Variants in MCPH1 observed in about 807,000 individuals in gnomAD.
MCPH1 encodes the protein microcephalin 1.
A neutral mutation model predicts 84.5 loss-of-function variants in MCPH1; 104 were observed. The observed-to-expected ratio is 1.23, with a 90% CI of 1.05 to 1.45. The LOEUF is 1.45. Ranked by LOEUF, MCPH1 falls within the 40% of genes most tolerant of loss-of-function variation. The probability of loss-of-function intolerance (pLI) is 0.00; values close to 1 mark genes in which losing one functional copy is unlikely to be tolerated. For missense variants in MCPH1, 1,498 were observed against 1,005.7 expected (o/e 1.49, Z -6.62); for synonymous variants, 514 against 366.8 (o/e 1.40, Z -4.58).
chr8:6,621,786 A>G (rs1173831420), intron 13 of MCPH1, 95 bp downstream of exon 13: 8 of 1,542,830 alleles, frequency 5.2e-6, no homozygotes, highest in Non-Finnish European at 7.1e-6. Context: ...CCTTCCACGC[A>G]GCTGGGGCAC....
At position 6,476,286 on chromosome 8, in the gene MCPH1, C is replaced by T. The variant is rs147829056; in HGVS notation, c.1936-1308C>T. Among the ~76,000 whole-genome samples, 338 of 151,830 alleles carry T rather than the reference C, an allele frequency of 2.2e-3. 5 individuals carry two copies. The highest frequency in any genetic ancestry group is 7.9e-3 in the African/African-American group (328 of 41,426). On this transcript the variant is annotated intron_variant, in intron 9 of 13. Coordinates refer to ENST00000344683, the MANE Select transcript of MCPH1 (RefSeq NM_024596.5). ...TCTACTAGAAATACAAAAATTAGCTCGGTATGGTAGTGGGCGCCTGTGATC... is the reference window on the plus strand; with the variant it reads ...TCTACTAGAAATACAAAAATTAGCTTGGTATGGTAGTGGGCGCCTGTGATC...
intron 11 of MCPH1, among the ~76,000 whole-genome samples, chr8:6,484,668 C>T (rs1225591029): frequency 6.6e-6 from 1 of 152,252 alleles, no homozygotes; most frequent in African/African-American, 2.4e-5. Context: ...ACCAACCATA[C>T]TGTGGAGTGT....
intron 3 of MCPH1, among the ~76,000 whole-genome samples, chr8:6,415,331 A>G (rs1377828031): frequency 7.0e-6 from 1 of 142,948 alleles, no homozygotes; most frequent in African/African-American, 2.7e-5. Context: ...TCTGTCATCC[A>G]AGCTAGAGTG....
chr8:6,564,963 G>T (rs965562105), intron 12 of MCPH1, among the ~76,000 whole-genome samples: 1 of 152,182 alleles, frequency 6.6e-6, no homozygotes, highest in Non-Finnish European at 1.5e-5. Context: ...GCTCTGGAAG[G>T]ATCTCATTAG....
rs112660551 is a variant in MCPH1, at chr8:6,606,332, A to G, written c.2215-15122A>G. Among the ~76,000 whole-genome samples, 525 of 152,336 alleles carry G rather than the reference A, an allele frequency of 3.4e-3. 1 individual carries two copies. The highest frequency in any genetic ancestry group is 0.012 in the African/African-American group (486 of 41,574). On this transcript the variant is annotated intron_variant, in intron 12 of 13. Transcript: ENST00000344683. Reference sequence around the variant, plus strand: ...AGAGTAAAAAGCTTTTGAGAAATCAAATACAATTCATTCCAATTCAACTTG... The same window carrying G: ...AGAGTAAAAAGCTTTTGAGAAATCAGATACAATTCATTCCAATTCAACTTG...
rs553841642 is a variant in MCPH1, at chr8:6,530,865, A to C, written c.2214+30936A>C. 6.2e-4 allele frequency among the ~76,000 whole-genome samples: 95 copies of C among 152,340 alleles called. No individual in the cohort carries two copies. In the South Asian group the frequency reaches 0.016, roughly 26 times the overall value. On this transcript the variant is annotated intron_variant, in intron 12 of 13. Transcript: ENST00000344683. ...GCTGTGTCCTTCTAGAATGAGTCTT[A>C]CGAGAGTGGCAGGGCTTATGGCATC... is the stretch of plus-strand genomic sequence containing the variant.
chr8:6,554,889 C>A (rs1824318206), intron 12 of MCPH1, among the ~76,000 whole-genome samples: 1 of 152,080 alleles, frequency 6.6e-6, no homozygotes, highest in Non-Finnish European at 1.5e-5. Flanking sequence ...GGTTTCACAT[C>A]TTTTGTCAAG....
At chr8:6,626,796 T>C in intron 13 of MCPH1, 1 of 985,298 alleles carries the variant, frequency 1.0e-6, no homozygotes, top group Non-Finnish European at 1.2e-6. Context: ...GTCTGCGACA[T>C]TTGTGCTGTG....
intron 12 of MCPH1, among the ~76,000 whole-genome samples, chr8:6,551,608 A>G (rs1051831604): frequency 2.0e-5 from 3 of 152,208 alleles, no homozygotes; most frequent in Non-Finnish European, 4.4e-5. Context: ...ACTGTTAAGA[A>G]CATGTCACTG....
chr8:6,619,936 A>G (rs1437048772), intron 12 of MCPH1, among the ~76,000 whole-genome samples: 1 of 152,204 alleles, frequency 6.6e-6, no homozygotes, highest in African/African-American at 2.4e-5. Flanking sequence ...CTTTAAAATG[A>G]AAGATACTCT....
chr8:6,509,982 C>A (rs142886693), intron 12 of MCPH1, among the ~76,000 whole-genome samples: 1 of 152,064 alleles, frequency 6.6e-6, no homozygotes, highest in Non-Finnish European at 1.5e-5. Context: ...AAATTTAAAT[C>A]CCAAAGTGTA....
At chr8:6,490,200 T>G (rs982718131) in intron 11 of MCPH1, among the ~76,000 whole-genome samples, 1 of 152,216 alleles carries the variant, frequency 6.6e-6, no homozygotes, top group Non-Finnish European at 1.5e-5. Context: ...CTGCCAGACA[T>G]CTGAACTTTC....
At chr8:6,603,233 C>G (rs1829507673) in intron 12 of MCPH1, among the ~76,000 whole-genome samples, 1 of 151,962 alleles carries the variant, frequency 6.6e-6, no homozygotes, top group African/African-American at 2.4e-5. Context: ...TTTCATAGTC[C>G]CATTAACATG....
intron 12 of MCPH1, among the ~76,000 whole-genome samples, chr8:6,557,853 C>G (rs1414791373): frequency 2.0e-5 from 3 of 152,122 alleles, no homozygotes; most frequent in Non-Finnish European, 1.5e-5. Flanking sequence ...TCCTCTAGAT[C>G]TCAACTCAGG....
chr8:6,413,373 G>A (rs191805516), intron 2 of MCPH1, among the ~76,000 whole-genome samples: 4 of 150,960 alleles, frequency 2.6e-5, no homozygotes, highest in African/African-American at 9.8e-5. Flanking sequence ...GATAAGCTTG[G>A]TGTAGTGCTG....
At chr8:6,576,192 G>A (rs900378844) in intron 12 of MCPH1, among the ~76,000 whole-genome samples, 1 of 152,116 alleles carries the variant, frequency 6.6e-6, no homozygotes, top group Non-Finnish European at 1.5e-5. Flanking sequence ...GCAGCTCCTG[G>A]TGATAGCTAT....
intron 13 of MCPH1, among the ~76,000 whole-genome samples, chr8:6,636,921 T>C (rs1797599292): frequency 6.6e-6 from 1 of 152,220 alleles, no homozygotes; most frequent in Non-Finnish European, 1.5e-5. Context: ...GTTGGTGTGG[T>C]AGGAGTCACA....
In MCPH1 at chr8:6,642,723, C is replaced by A. The variant is rs2433148; in HGVS notation, c.2453-271C>A. On this transcript the variant is annotated intron_variant, in intron 13 of 13. Transcript: ENST00000344683. Reference sequence around the variant, plus strand: ...CTGCCCACTGAGTGTCCTGACACAACGGGAACGTGCCCTGCATCTAATGGG... The same window carrying A: ...CTGCCCACTGAGTGTCCTGACACAAAGGGAACGTGCCCTGCATCTAATGGG... The A allele has an allele frequency of 5.1e-3, 2,581 of 507,330 alleles. 52 individuals are homozygous for A. Among genetic ancestry groups the A allele is most frequent in the African/African-American group, 0.044 (2,266 of 51,910 alleles). 31.4% of individuals were successfully genotyped at this position (507,330 alleles called of 1,614,324 possible).
chr8:6,589,588 C>G (rs10099217), intron 12 of MCPH1, among the ~76,000 whole-genome samples: 1 of 152,176 alleles, frequency 6.6e-6, no homozygotes, highest in Non-Finnish European at 1.5e-5. Flanking sequence ...GGGTGCTAAG[C>G]TTCAGTGACT....
Sources: allele counts gnomAD v4.1 joint callset (sites outside exome capture counted in the v4.1 genomes callset), GRCh38; gene constraint gnomAD v4.1.1; transcripts MANE v1.5; gene names NCBI Gene and HGNC (gene_info 2026-07-23, HGNC 2026-07-21).